Variants in DMXL1 observed in about 807,000 individuals in gnomAD.
The protein encoded by DMXL1 is dmX-like protein 1.
In DMXL1, 99 loss-of-function variants were observed where a neutral mutation model predicts 319.2. The ratio of observed to expected loss-of-function variants is 0.31; its 90% CI spans 0.26 to 0.37. DMXL1 has a LOEUF of 0.37. Among genes scored for constraint, DMXL1 ranks in the 10% least tolerant of loss-of-function variants. The pLI is 1.00. For missense variants in DMXL1, 3,745 were observed against 3,595.6 expected (o/e 1.04, Z -1.06); for synonymous variants, 1,385 against 1,235.2 (o/e 1.12, Z -2.54).
chr5:119,104,835 G>A (rs1295919547), intron 3 of DMXL1, among the ~76,000 whole-genome samples: 2 of 152,156 alleles, frequency 1.3e-5, no homozygotes, highest in African/African-American at 4.8e-5. Context: ...AACAGTAAAA[G>A]AGAAGGAAAT....
chr5:119,198,597 A>G (rs1360047966), intron 32 of DMXL1, among the ~76,000 whole-genome samples: 1 of 152,216 alleles, frequency 6.6e-6, no homozygotes, highest in African/African-American at 2.4e-5. Context: ...CTGTCAAATT[A>G]CCAACATCAT....
chr5:119,173,797 T>TAA (rs1554127675), intron 25 of DMXL1, among the ~76,000 whole-genome samples: 1 of 130,758 alleles, frequency 7.6e-6, no homozygotes, highest in Non-Finnish European at 1.6e-5. Context: ...TATATATATA[T>TAA]AATGAGAGAG....
At chr5:119,071,725 C>T (rs762705426) in intron 1 of DMXL1, 69 bp downstream of exon 1, 2 of 1,421,340 alleles carry the variant, frequency 1.4e-6, no homozygotes, top group Non-Finnish European at 1.9e-6. Context: ...CGAGCTTGGC[C>T]CAGAACGACG....
chr5:119,124,665 A>G (rs892376258), intron 9 of DMXL1, among the ~76,000 whole-genome samples: 3 of 149,210 alleles, frequency 2.0e-5, no homozygotes, highest in Non-Finnish European at 4.4e-5. Flanking sequence ...TCTCGGGTTC[A>G]AGTGATTCTT....
intron 1 of DMXL1, among the ~76,000 whole-genome samples, chr5:119,089,322 TTG>T (rs1561550078): frequency 8.3e-6 from 1 of 120,654 alleles, no homozygotes; most frequent in African/African-American, 3.1e-5. Context: ...TTTTTTTTTT[TTG>T]AGACAGAGTC....
At chr5:119,225,243 A>G (rs1328092442) in intron 38 of DMXL1, among the ~76,000 whole-genome samples, 5 of 151,980 alleles carry the variant, frequency 3.3e-5, no homozygotes, top group Admixed American at 1.3e-4. Flanking sequence ...TTGGTCTTTT[A>G]TGAGACACAT....
chr5:119,110,542 T>C (rs142687277), intron 5 of DMXL1, among the ~76,000 whole-genome samples: 200 of 152,358 alleles, frequency 1.3e-3, no homozygotes, highest in African/African-American at 4.6e-3. Flanking sequence ...TGCCAAATTA[T>C]ATGAAAAGAT....
intron 42 of DMXL1, among the ~76,000 whole-genome samples, chr5:119,241,612 G>T (rs757738671): frequency 4.6e-5 from 7 of 151,504 alleles, no homozygotes; most frequent in African/African-American, 1.7e-4. Flanking sequence ...AATTTGTGGT[G>T]CATATCAAGC....
Position 119,150,263 on chromosome 5 carries a change from C to T in DMXL1, c.4436C>T (p.Thr1479Ile). 3.1e-6 allele frequency: 5 copies of T among 1,613,756 alleles called. No homozygotes were observed. Among genetic ancestry groups the T allele is most frequent in the Non-Finnish European group, 3.4e-6 (4 of 1,179,814 alleles). ...RVIDLSQYSP[T>I]YFGPEHAQVL... is the part of the protein sequence containing the mutation. ...ATTGACCTTTCACAGTACAGTCCGA[C>T]TTACTTTGGACCTGAGCATGCTCAG... Residue 1479 changes from threonine (T) to isoleucine (I), a missense_variant, in exon 18 of 44, where the codon ACT becomes ATT. Transcript: ENST00000539542.
chr5:119,164,606 C>G lies in DMXL1; in HGVS notation c.4802C>G (p.Ser1601Cys), dbSNP rs745869189. Reference protein sequence around the residue: ...PAMQKDDPTWSELRAMGVGWW... With the variant: ...PAMQKDDPTWCELRAMGVGWW... Reference sequence around the variant, plus strand: ...ATGCAGAAAGATGATCCCACTTGGTCTGAACTAAGAGCTATGGGTGTGGGG... The same window carrying G: ...ATGCAGAAAGATGATCCCACTTGGTGTGAACTAAGAGCTATGGGTGTGGGG... Residue 1601 changes from serine (S) to cysteine (C), a missense_variant, in exon 20 of 44, where the codon TCT becomes TGT. By Grantham distance (112) the Ser-to-Cys change is moderately radical. Transcript: ENST00000539542. 3.7e-6 allele frequency: 6 copies of G among 1,614,102 alleles called. No individual in the cohort carries two copies. Among genetic ancestry groups the G allele is most frequent in the Non-Finnish European group, 5.1e-6 (6 of 1,179,986 alleles).
rs1238032739 is a variant in DMXL1, at chr5:119,152,029, T to C, written c.4695T>C (p.Leu1565=). ...TSLPAYRAQL[L]HQGLSTSHFA... is the part of the protein sequence containing the mutation. ...TTCCAGCCTATCGAGCTCAACTCCT[T>C]CACCAAGGTGATTTTGATAGTAATC... is the stretch of plus-strand genomic sequence containing the variant. The change falls in exon 19 of 44, where the codon CTT becomes CTC. Residue 1565 remains leucine, a synonymous_variant. Transcript: ENST00000539542. 2 of 1,606,854 alleles carry C rather than the reference T, an allele frequency of 1.2e-6. No homozygotes were observed. Among genetic ancestry groups the C allele is most frequent in the East Asian group, 4.5e-5 (2 of 44,692 alleles).
At chr5:119,086,246 ACCGC>A (rs887881864) in intron 1 of DMXL1, among the ~76,000 whole-genome samples, 1 of 152,122 alleles carries the variant, frequency 6.6e-6, no homozygotes, top group African/African-American at 2.4e-5. Flanking sequence ...TATGGGGTAA[ACCGC>A]CCCCATGATT....
chr5:119,125,824 A>G (rs1763423865), intron 9 of DMXL1, among the ~76,000 whole-genome samples: 1 of 152,154 alleles, frequency 6.6e-6, no homozygotes, highest in South Asian at 2.1e-4. Context: ...TTGACCTCCC[A>G]AAGCATTGGG....
At chr5:119,097,703 T>C (rs1292779924) in intron 1 of DMXL1, among the ~76,000 whole-genome samples, 1 of 151,914 alleles carries the variant, frequency 6.6e-6, no homozygotes, top group African/African-American at 2.4e-5. Flanking sequence ...GGCGACAGAG[T>C]GAGACTCCAT....
At position 119,071,310 on chromosome 5, in the gene DMXL1, C is replaced by T; in HGVS notation, c.-260C>T. ...GAGGGGACCCTGAGCTTCACCTGGG[C>T]TAGCGCGGGGAGTGACAGGTGCGCG... On this transcript the variant is annotated 5_prime_UTR_variant, in exon 1 of 44. Coordinates refer to ENST00000539542, the MANE Select transcript of DMXL1 (RefSeq NM_001290321.3). 1 of 487,216 alleles carries T rather than the reference C, an allele frequency of 2.1e-6. No individual in the cohort carries two copies. Among genetic ancestry groups the T allele is most frequent in the South Asian group, 2.2e-5 (1 of 45,026 alleles). The allele number at this position is 487,216 out of a possible 1,614,324, so 30.2% of individuals were successfully genotyped here.
intron 15 of DMXL1, 117 bp from the exon 16 acceptor site, chr5:119,146,720 C>G: frequency 1.1e-6 from 1 of 942,432 alleles, no homozygotes. Context: ...TGTTTGAAGC[C>G]TTAGGTAAAA....
chr5:119,114,337 A>G, intron 5 of DMXL1, 138 bp from the exon 6 acceptor site: 1 of 650,308 alleles, frequency 1.5e-6, no homozygotes. Flanking sequence ...TTCATTTTTC[A>G]GGTACACAAA....
intron 1 of DMXL1, among the ~76,000 whole-genome samples, chr5:119,096,666 C>G (rs1756045190): frequency 6.6e-6 from 1 of 152,064 alleles, no homozygotes; most frequent in African/African-American, 2.4e-5. Flanking sequence ...CTCCCGTGAT[C>G]AAAGAAGGTG....
rs1461714827 is a variant in DMXL1, at chr5:119,247,171, T to C, written c.9099T>C (p.Phe3033=). The C allele has an allele frequency of 1.2e-6, 2 of 1,613,960 alleles. No individual in the cohort carries two copies. The highest frequency in any genetic ancestry group is 1.7e-5 in the Admixed American group (1 of 59,948). Residue 3033 remains phenylalanine (F), a synonymous_variant, in exon 44 of 44, where the codon TTT becomes TTC. Transcript: ENST00000539542. ...TMKMRILPDQ[F]SPLNEVLKND... ...AAATGAGAATACTGCCAGATCAGTT[T>C]AGCCCTTTAAATGAAGTGTTGAAAA...
Sources: gnomAD v4.1 joint callset for allele counts (sites outside exome capture counted in the v4.1 genomes callset) on GRCh38, gnomAD v4.1.1 for gene constraint, MANE v1.5 for transcripts, NCBI Gene and HGNC (gene_info 2026-07-23, HGNC 2026-07-21) for gene names.